Variants in ANKRD24 observed in about 807,000 individuals in gnomAD.
The protein encoded by ANKRD24 is ankyrin repeat domain 24, also known as ankyrin repeat domain-containing protein 24.
Under a neutral mutation model 127.8 loss-of-function variants are expected in ANKRD24, and 109 were observed. That is an observed-to-expected ratio of 0.85 (90% CI 0.73 to 1.00). The LOEUF (loss-of-function observed/expected upper bound fraction) is 1.00, where lower values mean the gene tolerates loss of function less well. Ranked by LOEUF, ANKRD24 falls within the 50% of genes least tolerant of loss-of-function variation. The pLI, the probability that ANKRD24 is intolerant of heterozygous loss-of-function variation, is 0.00. For synonymous variants in ANKRD24, 743 were observed against 671.1 expected (o/e 1.11, Z -1.66); for missense variants, 1,648 against 1,570.2 (o/e 1.05, Z -0.84).
intron 7 of ANKRD24, chr19:4,207,017 C>T (rs1180695489): frequency 2.3e-5 from 13 of 576,088 alleles, no homozygotes; most frequent in Admixed American, 1.2e-4. Context: ...GCGGTCCTCC[C>T]GCTTCAGCTG....
intron 18 of ANKRD24, 115 bp downstream of exon 18, chr19:4,218,278 C>G (rs1018637101): frequency 1.4e-6 from 1 of 727,196 alleles, no homozygotes; most frequent in Non-Finnish European, 1.9e-6. Flanking sequence ...AACAGACCTA[C>G]TTTATTTTAT....
At chr19:4,190,204 G>A (rs1034091101) in intron 2 of ANKRD24, among the ~76,000 whole-genome samples, 1 of 152,058 alleles carries the variant, frequency 6.6e-6, no homozygotes, top group African/African-American at 2.4e-5. Flanking sequence ...GGAAGGCCGA[G>A]GTGGGTGGGT....
intron 2 of ANKRD24, among the ~76,000 whole-genome samples, chr19:4,196,337 T>TTTG (rs112815640): frequency 0.046 from 6,909 of 151,154 alleles, 410 homozygotes; most frequent in African/African-American, 0.14. Context: ...AGACCTCGGT[T>TTTG]TTGTTGTTGT....
At chr19:4,213,481 A>T in intron 15 of ANKRD24, among the ~76,000 whole-genome samples, 2 of 110,518 alleles carry the variant, frequency 1.8e-5, no homozygotes, top group Non-Finnish European at 1.7e-5. Flanking sequence ...TTTTGGACAG[A>T]GTCTCGCTCT....
intron 7 of ANKRD24, among the ~76,000 whole-genome samples, chr19:4,205,027 G>A (rs967884753): frequency 1.3e-5 from 2 of 152,254 alleles, no homozygotes; most frequent in Admixed American, 6.5e-5. Flanking sequence ...CATGAGGTCA[G>A]GAGATCAAGA....
chr19:4,224,582 G>C lies in ANKRD24; in HGVS notation c.*77G>C. 7.9e-7 allele frequency: 1 copy of C among 1,258,004 alleles called. No homozygotes were observed. The highest frequency in any genetic ancestry group is 1.1e-6 in the Non-Finnish European group (1 of 888,492). The allele number at this position is 1,258,004 out of a possible 1,614,324, so 77.9% of individuals were successfully genotyped here. A position where few individuals can be genotyped will look rare whatever the true frequency, so the allele number is the denominator to read the frequency against. ...CCCCCTGCAGGCCCCTTGCAGACCGGCTTCACTTGGCTTCACTTGGCCCTA... is the reference window on the plus strand; with the variant it reads ...CCCCCTGCAGGCCCCTTGCAGACCGCCTTCACTTGGCTTCACTTGGCCCTA... On this transcript the variant is annotated 3_prime_UTR_variant, in exon 22 of 22. Coordinates refer to ENST00000318934, the MANE Select transcript of ANKRD24 (RefSeq NM_001393985.1).
intron 19 of ANKRD24, among the ~76,000 whole-genome samples, chr19:4,219,995 T>C (rs1194187969): frequency 6.6e-6 from 1 of 152,246 alleles, no homozygotes; most frequent in Non-Finnish European, 1.5e-5. Context: ...ATTTTTTTAC[T>C]TGAGACGGAG....
At chr19:4,219,826 G>A (rs534506777) in intron 19 of ANKRD24, 68 bp downstream of exon 19, 31 of 1,486,506 alleles carry the variant, frequency 2.1e-5, no homozygotes, top group African/African-American at 9.8e-5. Context: ...GCCAATCTAC[G>A]AAGGTCCTCA....
chr19:4,223,103 A>T (rs532852507), intron 20 of ANKRD24, among the ~76,000 whole-genome samples: 3 of 151,654 alleles, frequency 2.0e-5, no homozygotes, highest in South Asian at 2.1e-4. Flanking sequence ...GCACCACCAC[A>T]CCCAGCTAAT....
At chr19:4,186,122 G>A (rs1453149887) in intron 1 of ANKRD24, 1 of 554,006 alleles carries the variant, frequency 1.8e-6, no homozygotes, top group Non-Finnish European at 2.8e-6. Context: ...CAGGCTCTGT[G>A]TAGGGACCAT....
Position 4,216,706 on chromosome 19 carries a change from C to G in ANKRD24, c.1546C>G (p.Arg516Gly), listed in dbSNP as rs979241268. 3.8e-6 allele frequency: 6 copies of G among 1,580,238 alleles called. No individual in the cohort carries two copies. The South Asian group carries it at 5.8e-5, about 15-fold the overall frequency. Residue 516 changes from arginine (R) to glycine (G), a missense_variant, in exon 18 of 22, where the codon CGA becomes GGA. By Grantham distance (125) the Arg-to-Gly change is moderately radical (BLOSUM62 -2). Coordinates refer to ENST00000318934, the MANE Select transcript of ANKRD24 (RefSeq NM_001393985.1). The stretch of plus-strand genomic sequence containing the variant: ...GCAGGCCCTGAGGCAGCAGGAGACA[C>G]GAGAGGTCCCCAGAGAAGAGGGGGC... ...ALQALRQQET[R>G]EVPREEGAAC...
intron 19 of ANKRD24, among the ~76,000 whole-genome samples, chr19:4,221,102 A>G (rs553356421): frequency 9.1e-4 from 137 of 150,944 alleles, no homozygotes; most frequent in African/African-American, 3.2e-3. Context: ...TTTTTGAGAG[A>G]AAGTTTCACT....
chr19:4,201,334 G>C (rs936119717), intron 5 of ANKRD24, among the ~76,000 whole-genome samples: 1 of 152,112 alleles, frequency 6.6e-6, no homozygotes, highest in Non-Finnish European at 1.5e-5. Context: ...CATCAGACAG[G>C]GACAGAGTTG....
At chr19:4,193,607 G>A (rs1968508857) in intron 2 of ANKRD24, among the ~76,000 whole-genome samples, 1 of 151,928 alleles carries the variant, frequency 6.6e-6, no homozygotes, top group South Asian at 2.1e-4. Context: ...GGAGGCTGAG[G>A]CGAGCAGATC....
chr19:4,199,355 C>T lies in ANKRD24; in HGVS notation c.37-328C>T, dbSNP rs1968950442. ...CCTCAGCCTCCCAAGCAGCTACAGG[C>T]ATGAGCCACCATGCCCCGCTGATGA... is the stretch of plus-strand genomic sequence containing the variant. On this transcript the variant is annotated intron_variant, in intron 2 of 21. Transcript: ENST00000318934. This position sits in a 1 kb window ranked among gnomAD's most constrained non-coding sequence, Gnocchi z 5.2. 1 of 291,772 alleles carries T rather than the reference C, an allele frequency of 3.4e-6. No homozygotes were observed. The highest frequency in any genetic ancestry group is 1.3e-4 in the South Asian group (1 of 7,550). 18.1% of individuals were successfully genotyped at this position (291,772 alleles called of 1,614,324 possible).
Position 4,212,523 on chromosome 19 carries a change from A to G in ANKRD24, c.1098+10A>G. On this transcript the variant is annotated intron_variant, in intron 14 of 21. Transcript: ENST00000318934. ...CATCCTGGAGAGACAGGTAGGTGGGAAGGTGGGGAGGAGCCGGTCCTCCTG... is the reference window on the plus strand; with the variant it reads ...CATCCTGGAGAGACAGGTAGGTGGGGAGGTGGGGAGGAGCCGGTCCTCCTG... 6.4e-7 allele frequency: 1 copy of G among 1,556,360 alleles called. No individual in the cohort carries two copies. Among genetic ancestry groups the G allele is most frequent in the Non-Finnish European group, 8.7e-7 (1 of 1,151,434 alleles).
At chr19:4,218,354 T>C (rs1041394895) in intron 18 of ANKRD24, among the ~76,000 whole-genome samples, 191 bp downstream of exon 18, 5 of 151,160 alleles carry the variant, frequency 3.3e-5, no homozygotes, top group South Asian at 2.1e-4. Context: ...GGCTGGAGTG[T>C]AGTGGTGTGA....
intron 11 of ANKRD24, 48 bp downstream of exon 11, chr19:4,208,849 C>G (rs568712628): frequency 4.6e-5 from 72 of 1,581,492 alleles, no homozygotes; most frequent in Non-Finnish European, 5.5e-5. Context: ...TGCATCCACA[C>G]TAACTTCTCC....
chr19:4,196,439 G>A (rs971410231), intron 2 of ANKRD24, among the ~76,000 whole-genome samples: 11 of 152,158 alleles, frequency 7.2e-5, no homozygotes, highest in Middle Eastern at 3.4e-3. Flanking sequence ...GCAGTGACGC[G>A]ATCTCGGCTT....
Sources: gnomAD v4.1 joint callset for allele counts (sites outside exome capture counted in the v4.1 genomes callset) on GRCh38, gnomAD v4.1.1 for gene constraint, Gnocchi (gnomAD v3.1) non-coding constraint, MANE v1.5 for transcripts, NCBI Gene and HGNC (gene_info 2026-07-23, HGNC 2026-07-21) for gene names.